The following LPP variants were observed in gnomAD, a reference collection of about 807,000 sequenced individuals.
LPP encodes lipoma-preferred partner.
A neutral mutation model predicts 60.4 loss-of-function variants in LPP; 38 were observed. That is an observed-to-expected ratio of 0.63 (90% CI 0.49 to 0.83). The LOEUF (loss-of-function observed/expected upper bound fraction) is 0.83. Ranked by LOEUF, LPP falls within the 40% of genes least tolerant of loss-of-function variation. The pLI is 0.00. For synonymous variants in LPP, 328 were observed against 290.8 expected (o/e 1.13, Z -1.30); for missense variants, 902 against 783.6 (o/e 1.15, Z -1.80).
intron 4 of LPP, among the ~76,000 whole-genome samples, chr3:188,447,489 A>T (rs1435533633): frequency 6.6e-6 from 1 of 151,970 alleles, no homozygotes; most frequent in Non-Finnish European, 1.5e-5. Flanking sequence ...AGGTGCCTGT[A>T]ATCCCAACTA....
At chr3:188,515,843 C>G (rs1157727536) in intron 5 of LPP, among the ~76,000 whole-genome samples, 3 of 152,164 alleles carry the variant, frequency 2.0e-5, no homozygotes, top group African/African-American at 7.2e-5. Flanking sequence ...AAATTTGTGT[C>G]TCTTCCACAT....
intron 10 of LPP, among the ~76,000 whole-genome samples, chr3:188,870,669 A>T (rs1767870401): frequency 6.6e-6 from 1 of 152,196 alleles, no homozygotes; most frequent in South Asian, 2.1e-4. Context: ...TTTTCATCAA[A>T]TTTACTTTTA....
intron 2 of LPP, among the ~76,000 whole-genome samples, chr3:188,303,857 CT>C (rs1281700192): frequency 6.6e-6 from 1 of 152,114 alleles, no homozygotes; most frequent in African/African-American, 2.4e-5. Context: ...AGGTGTATGG[CT>C]TTGGAAAGTT....
intron 1 of LPP, among the ~76,000 whole-genome samples, chr3:188,190,163 C>T (rs1234638660): frequency 1.3e-5 from 2 of 150,912 alleles, no homozygotes; most frequent in Admixed American, 1.3e-4. Flanking sequence ...TCAAGCAATT[C>T]TCCCTGCCTC....
At chr3:188,527,068 C>G (rs1395384071) in intron 6 of LPP, among the ~76,000 whole-genome samples, 1 of 152,070 alleles carries the variant, frequency 6.6e-6, no homozygotes, top group Non-Finnish European at 1.5e-5. Context: ...AAGCAAGCAC[C>G]AAGGCTGCAT....
At chr3:188,707,064 T>C (rs59489624) in intron 7 of LPP, among the ~76,000 whole-genome samples, 5,642 of 152,256 alleles carry the variant, frequency 0.037, 352 homozygotes, top group African/African-American at 0.13. Context: ...TTACATACTT[T>C]TTATTCTTCA....
intron 2 of LPP, among the ~76,000 whole-genome samples, chr3:188,330,693 G>A (rs919269554): frequency 6.6e-6 from 1 of 152,106 alleles, no homozygotes; most frequent in Non-Finnish European, 1.5e-5. Flanking sequence ...GCCCATGCCT[G>A]TAGCCCCAAC....
chr3:188,231,142 G>C (rs1393427095), intron 2 of LPP, among the ~76,000 whole-genome samples: 1 of 152,170 alleles, frequency 6.6e-6, no homozygotes, highest in Non-Finnish European at 1.5e-5. Flanking sequence ...GTGACACACT[G>C]TTCCCTCTGC....
chr3:188,196,154 G>C (rs752310782), intron 1 of LPP, among the ~76,000 whole-genome samples: 10 of 152,068 alleles, frequency 6.6e-5, no homozygotes, highest in Non-Finnish European at 1.5e-4. Flanking sequence ...CTCTCCTTGG[G>C]GTTTCTTTGC....
intron 9 of LPP, among the ~76,000 whole-genome samples, chr3:188,821,705 A>G (rs956583987): frequency 6.6e-6 from 1 of 152,046 alleles, no homozygotes; most frequent in Non-Finnish European, 1.5e-5. Flanking sequence ...CAATATGTGT[A>G]TTTGTTTTAT....
At chr3:188,652,929 C>G (rs569983521) in intron 7 of LPP, among the ~76,000 whole-genome samples, 52 of 152,268 alleles carry the variant, frequency 3.4e-4, no homozygotes, top group Admixed American at 1.4e-3. Flanking sequence ...ACCCTACCCC[C>G]AAATGTCTAA....
intron 2 of LPP, among the ~76,000 whole-genome samples, chr3:188,299,902 C>A (rs1749185036): frequency 6.6e-6 from 1 of 152,168 alleles, no homozygotes; most frequent in Non-Finnish European, 1.5e-5. Context: ...ATCATCAAAC[C>A]CCTTTCTCTG....
intron 2 of LPP, among the ~76,000 whole-genome samples, chr3:188,226,621 C>T (rs1232448029): frequency 3.3e-5 from 5 of 152,152 alleles, no homozygotes; most frequent in African/African-American, 1.2e-4. Flanking sequence ...ATTCTGGGTG[C>T]GACTTCCACT....
intron 6 of LPP, among the ~76,000 whole-genome samples, chr3:188,570,682 A>G (rs1329150852): frequency 6.6e-6 from 1 of 151,990 alleles, no homozygotes; most frequent in East Asian, 1.9e-4. Flanking sequence ...TTATGCTCTC[A>G]GTCCTTAGTT....
chr3:188,640,269 CA>C (rs1849779863), intron 7 of LPP, among the ~76,000 whole-genome samples: 1 of 149,912 alleles, frequency 6.7e-6, no homozygotes, highest in African/African-American at 2.5e-5. Context: ...ATCGCAAGAA[CA>C]AAAAACCAAA....
chr3:188,498,659 AT>A (rs1810952785), intron 5 of LPP, among the ~76,000 whole-genome samples: 1 of 152,158 alleles, frequency 6.6e-6, no homozygotes, highest in Admixed American at 6.5e-5. Context: ...GCTTTCAGTT[AT>A]TTTGAGTATA....
At chr3:188,178,345 G>T (rs1328931560) in intron 1 of LPP, among the ~76,000 whole-genome samples, 1 of 152,182 alleles carries the variant, frequency 6.6e-6, no homozygotes, top group Non-Finnish European at 1.5e-5. Context: ...TGAGACCCAG[G>T]TAGGGTGATT....
intron 9 of LPP, among the ~76,000 whole-genome samples, chr3:188,828,580 A>G (rs2151551018): frequency 7.5e-6 from 1 of 133,682 alleles, no homozygotes; most frequent in South Asian, 2.5e-4. Context: ...ACGCCATTGC[A>G]CTCTAGCCTG....
intron 7 of LPP, among the ~76,000 whole-genome samples, chr3:188,638,855 G>A (rs1303329335): frequency 6.6e-6 from 1 of 151,166 alleles, no homozygotes; most frequent in Non-Finnish European, 1.5e-5. Flanking sequence ...ACTGCTCAAG[G>A]AAATAAAAGA....
Sources: gnomAD v4.1 joint callset for allele counts (sites outside exome capture counted in the v4.1 genomes callset) on GRCh38, gnomAD v4.1.1 for gene constraint, MANE v1.5 for transcripts, NCBI Gene and HGNC (gene_info 2026-07-23, HGNC 2026-07-21) for gene names.